MICU2: variants seen among roughly 807,000 people sequenced by gnomAD.
The protein encoded by MICU2 is calcium uptake protein 2, mitochondrial.
A neutral mutation model predicts 60.4 loss-of-function variants in MICU2; 64 were observed. That is an observed-to-expected ratio of 1.06 (90% confidence interval 0.87 to 1.31). The LOEUF is 1.31. MICU2 is among the 50% of genes most tolerant of loss of function. The pLI is 0.00. For synonymous variants in MICU2, 201 were observed against 175.0 expected, an observed-to-expected ratio of 1.15 and a Z score of -1.17; for missense variants, 569 against 531.0, an observed-to-expected ratio of 1.07 and a Z score of -0.70.
At position 21,563,386 on chromosome 13, in the gene MICU2, T is replaced by C. The variant is rs553836444; in HGVS notation, c.358+3411A>G. Among the ~76,000 whole-genome samples the C allele has an allele frequency of 5.7e-3, 857 of 151,240 alleles. 6 individuals are homozygous for C. Among genetic ancestry groups the C allele is most frequent in the African/African-American group, 0.019 (773 of 41,198 alleles). The stretch of plus-strand genomic sequence containing the variant: ...AGGAGAATGGCATGAACCCGGGAGG[T>C]GGAGCTTACAGTGAGCCAAGATTGC... On this transcript the variant is annotated intron_variant, in intron 2 of 11. Coordinates refer to ENST00000382374, the MANE Select transcript of MICU2 (RefSeq NM_152726.3).
intron 2 of MICU2, chr13:21,551,293 T>G (rs1444127717): frequency 6.6e-6 from 1 of 152,376 alleles, no homozygotes; most frequent in Non-Finnish European, 1.5e-5. Context: ...ATATTTTTTA[T>G]ACATTTAAAA....
chr13:21,565,687 G>T (rs545755347), intron 2 of MICU2, among the ~76,000 whole-genome samples: 1 of 151,750 alleles, frequency 6.6e-6, no homozygotes, highest in South Asian at 2.1e-4. Flanking sequence ...ACAAAAATTA[G>T]CCAGGCATGG....
chr13:21,511,385 A>G (rs1269052908), intron 7 of MICU2, among the ~76,000 whole-genome samples: 4 of 152,202 alleles, frequency 2.6e-5, no homozygotes, highest in Non-Finnish European at 5.9e-5. Context: ...AGAAATAGAA[A>G]AAGAACAAAT....
intron 8 of MICU2, among the ~76,000 whole-genome samples, chr13:21,506,732 C>T (rs1886299737): frequency 6.6e-6 from 1 of 152,192 alleles, no homozygotes; most frequent in Admixed American, 6.6e-5. Flanking sequence ...AGTCCCTTTT[C>T]CTGTCGATGG....
intron 8 of MICU2, among the ~76,000 whole-genome samples, chr13:21,508,865 A>G (rs957603611): frequency 3.3e-5 from 5 of 152,194 alleles, no homozygotes; most frequent in Non-Finnish European, 7.3e-5. Context: ...AACCTTCAAC[A>G]CAGGGTACAC....
At chr13:21,556,659 T>C (rs1887715822) in intron 2 of MICU2, among the ~76,000 whole-genome samples, 1 of 152,106 alleles carries the variant, frequency 6.6e-6, no homozygotes, top group South Asian at 2.1e-4. Flanking sequence ...AGAGCACTAC[T>C]TCCAGTTTAA....
At position 21,580,705 on chromosome 13, in the gene MICU2, T is replaced by C. The variant is rs371700729; in HGVS notation, c.211-13761A>G. 4.0e-5 allele frequency among the ~76,000 whole-genome samples: 6 copies of C among 151,848 alleles called. 1 individual carries two copies. Among genetic ancestry groups the C allele is most frequent in the African/African-American group, 9.6e-5 (4 of 41,458 alleles). ...ATTGTTTAGATAGTCTCTTAACTTA[T>C]AACTTTATAAAACTTCATGTAAGTA... On this transcript the variant is annotated intron_variant, in intron 1 of 11. Transcript: ENST00000382374.
At chr13:21,566,674 A>T in intron 2 of MICU2, 123 bp downstream of exon 2, 1 of 772,354 alleles carries the variant, frequency 1.3e-6, no homozygotes, top group South Asian at 2.0e-5. Context: ...AGTCTAAATA[A>T]GCAAATGCAT....
At chr13:21,592,206 C>G (rs1002040281) in intron 1 of MICU2, among the ~76,000 whole-genome samples, 5 of 152,122 alleles carry the variant, frequency 3.3e-5, no homozygotes, top group African/African-American at 1.2e-4. Flanking sequence ...CACAGAAATA[C>G]AAACTACCAT....
chr13:21,513,761 A>AAAAAAAAC (rs1350380408), intron 7 of MICU2, among the ~76,000 whole-genome samples: 1 of 150,540 alleles, frequency 6.6e-6, no homozygotes, highest in Non-Finnish European at 1.5e-5. Context: ...AAAAAAAAAA[A>AAAAAAAAC]AAAGACAACT....
intron 1 of MICU2, among the ~76,000 whole-genome samples, chr13:21,582,039 C>T (rs1478011455): frequency 6.6e-6 from 1 of 152,166 alleles, no homozygotes; most frequent in Non-Finnish European, 1.5e-5. Context: ...GGGTGCCTTC[C>T]CCTGCTCTAT....
intron 2 of MICU2, among the ~76,000 whole-genome samples, chr13:21,551,120 C>T (rs1197003734): frequency 1.3e-5 from 2 of 152,190 alleles, no homozygotes; most frequent in African/African-American, 4.8e-5. Flanking sequence ...CAGAACTGTT[C>T]CCTTGTGTAC....
intron 2 of MICU2, among the ~76,000 whole-genome samples, chr13:21,557,973 T>C (rs896587063): frequency 1.3e-5 from 2 of 152,172 alleles, no homozygotes; most frequent in Admixed American, 1.3e-4. Context: ...TCACAAGCAG[T>C]TTCTGTTACC....
chr13:21,498,790 A>G (rs1315445534), intron 9 of MICU2, among the ~76,000 whole-genome samples: 3 of 150,554 alleles, frequency 2.0e-5, no homozygotes, highest in Non-Finnish European at 2.9e-5. Flanking sequence ...TCTTAACAGT[A>G]TATTTACAAG....
intron 2 of MICU2, among the ~76,000 whole-genome samples, chr13:21,540,710 G>A (rs970710330): frequency 1.3e-5 from 2 of 152,028 alleles, no homozygotes; most frequent in African/African-American, 4.8e-5. Flanking sequence ...GTTATTTTGG[G>A]ATAATTTTTA....
intron 9 of MICU2, among the ~76,000 whole-genome samples, chr13:21,498,760 T>C (rs557439530): frequency 6.6e-6 from 1 of 152,216 alleles, no homozygotes. Context: ...CTTCACATAT[T>C]TCTGTACCTT....
chr13:21,511,754 G>A (rs866541333), intron 7 of MICU2, among the ~76,000 whole-genome samples: 1 of 151,170 alleles, frequency 6.6e-6, no homozygotes, highest in South Asian at 2.1e-4. Context: ...CCATTATGTT[G>A]TCATTTCAAA....
chr13:21,530,165 T>A (rs1227585641), intron 4 of MICU2, among the ~76,000 whole-genome samples: 1 of 152,250 alleles, frequency 6.6e-6, no homozygotes, highest in Non-Finnish European at 1.5e-5. Context: ...GCCAGTCCTT[T>A]ATGAATGTAG....
chr13:21,497,573 G>A (rs1886033074), intron 9 of MICU2, among the ~76,000 whole-genome samples: 1 of 151,954 alleles, frequency 6.6e-6, no homozygotes, highest in African/African-American at 2.4e-5. Context: ...AGCCAGGCAC[G>A]GTGGCATGTG....
Sources: allele counts gnomAD v4.1 joint callset (sites outside exome capture counted in the v4.1 genomes callset), GRCh38; gene constraint gnomAD v4.1.1; transcripts MANE v1.5; gene names NCBI Gene and HGNC (gene_info 2026-07-23, HGNC 2026-07-21).